LOC128706666: variants seen among roughly 807,000 people sequenced by gnomAD.
the LOC128706666 span, among the ~76,000 whole-genome samples, chr20:10,416,279 T>C: frequency 6.6e-6 from 1 of 152,142 alleles, no homozygotes; most frequent in Non-Finnish European, 1.5e-5. Context: ...TGAAAGTTTT[T>C]CCTAAAAGCA....
the LOC128706666 span, among the ~76,000 whole-genome samples, chr20:10,417,441 G>T: frequency 6.6e-6 from 1 of 151,988 alleles, no homozygotes; most frequent in South Asian, 2.1e-4. Context: ...CAAGACCCTG[G>T]TTCTAAAAAT....
chr20:10,431,386 T>C, the LOC128706666 span, among the ~76,000 whole-genome samples: 1 of 152,144 alleles, frequency 6.6e-6, no homozygotes, highest in Non-Finnish European at 1.5e-5. Flanking sequence ...TAGTGTCTAT[T>C]AGGTGCTAGC....
At chr20:10,428,347 C>T in the LOC128706666 span, among the ~76,000 whole-genome samples, 1 of 152,318 alleles carries the variant, frequency 6.6e-6, no homozygotes, top group East Asian at 1.9e-4. Flanking sequence ...GCCTTTAGTG[C>T]TACAGCAAAC....
the LOC128706666 span, among the ~76,000 whole-genome samples, chr20:10,417,367 T>C: frequency 6.6e-6 from 1 of 152,182 alleles, no homozygotes; most frequent in Admixed American, 6.6e-5. Context: ...TCCCATCACT[T>C]TGGGAGGCCA....
the LOC128706666 span, among the ~76,000 whole-genome samples, chr20:10,433,341 A>G: frequency 6.6e-6 from 1 of 152,166 alleles, no homozygotes; most frequent in African/African-American, 2.4e-5. Context: ...GGTTGAATTC[A>G]CACATGCGGA....
chr20:10,432,001 G>C, the LOC128706666 span: 1 of 152,266 alleles, frequency 6.6e-6, no homozygotes, highest in African/African-American at 2.4e-5. Flanking sequence ...GTGCCACCCT[G>C]ACCCCCCTAA....
chr20:10,416,753 T>C, the LOC128706666 span, among the ~76,000 whole-genome samples: 1 of 152,176 alleles, frequency 6.6e-6, no homozygotes, highest in African/African-American at 2.4e-5. Flanking sequence ...CAACCCCTAA[T>C]GAAATAGTGC....
the LOC128706666 span, among the ~76,000 whole-genome samples, chr20:10,427,029 G>GACACACACAC: frequency 0.029 from 3,760 of 130,650 alleles, 113 homozygotes; most frequent in Admixed American, 0.035. Flanking sequence ...AGAAAACACT[G>GACACACACAC]ACACACACAC....
the LOC128706666 span, among the ~76,000 whole-genome samples, chr20:10,415,840 T>C: frequency 0.14 from 21,936 of 152,220 alleles, 1,779 homozygotes; most frequent in East Asian, 0.24. Context: ...CCAGTACACA[T>C]ATCTTTTGGC....
chr20:10,417,895 C>A, the LOC128706666 span, among the ~76,000 whole-genome samples: 1 of 151,962 alleles, frequency 6.6e-6, no homozygotes, highest in Admixed American at 6.6e-5. Context: ...AAGCAATCAG[C>A]CAAACTGAGA....
At chr20:10,428,780 A>G in the LOC128706666 span, among the ~76,000 whole-genome samples, 3 of 152,280 alleles carry the variant, frequency 2.0e-5, no homozygotes, top group African/African-American at 7.2e-5. Context: ...CAGAGGTTAC[A>G]TTACAGTGAG....
chr20:10,423,458 A>G, the LOC128706666 span, among the ~76,000 whole-genome samples: 1 of 152,196 alleles, frequency 6.6e-6, no homozygotes, highest in Admixed American at 6.5e-5. Flanking sequence ...ACTGGATAGG[A>G]TAAAAGGATG....
the LOC128706666 span, among the ~76,000 whole-genome samples, chr20:10,421,834 CTA>C: frequency 1.3e-5 from 2 of 151,780 alleles, no homozygotes; most frequent in African/African-American, 4.8e-5. Flanking sequence ...CAGAAAGATG[CTA>C]TGTTTGATGA....
the LOC128706666 span, among the ~76,000 whole-genome samples, chr20:10,428,287 G>C: frequency 0.016 from 2,459 of 152,232 alleles, 39 homozygotes; most frequent in South Asian, 0.026. Context: ...AGGGGAGTAG[G>C]TATCATGCAG....
the LOC128706666 span, among the ~76,000 whole-genome samples, chr20:10,433,891 G>A: frequency 1.3e-5 from 2 of 152,288 alleles, no homozygotes; most frequent in African/African-American, 4.8e-5. Context: ...GCCCGCATCC[G>A]TGCCGACCGC....
At chr20:10,432,283 C>T in the LOC128706666 span, among the ~76,000 whole-genome samples, 3 of 152,234 alleles carry the variant, frequency 2.0e-5, no homozygotes, top group East Asian at 1.9e-4. Flanking sequence ...CCCAATCCTG[C>T]TTCCTTTCTT....
At chr20:10,433,272 G>A in the LOC128706666 span, among the ~76,000 whole-genome samples, 5 of 152,184 alleles carry the variant, frequency 3.3e-5, no homozygotes, top group Non-Finnish European at 7.3e-5. Flanking sequence ...CCTAAAGTGC[G>A]GGGTTACAGG....
chr20:10,413,827 C>T, the LOC128706666 span: 15 of 472,280 alleles, frequency 3.2e-5, no homozygotes, highest in Non-Finnish European at 4.8e-5. Context: ...AGATGGACAC[C>T]TATGAAAGAT....
the LOC128706666 span, among the ~76,000 whole-genome samples, chr20:10,419,518 C>A: frequency 2.0e-5 from 3 of 152,206 alleles, no homozygotes; most frequent in East Asian, 5.8e-4. Context: ...GTTCCAAGAC[C>A]ACCCAGTGGA....
Sources: gnomAD v4.1 joint callset for allele counts (sites outside exome capture counted in the v4.1 genomes callset) on GRCh38, gnomAD v4.1.1 for gene constraint, MANE v1.5 for transcripts.